Variants in DYNC1I1 observed in about 807,000 individuals in gnomAD.
The protein encoded by DYNC1I1 is dynein cytoplasmic 1 intermediate chain 1.
A neutral mutation model predicts 86.6 loss-of-function variants in DYNC1I1; 43 were observed. The ratio of observed to expected loss-of-function variants is 0.50; its 90% CI spans 0.39 to 0.64. DYNC1I1 has a LOEUF of 0.64. Among genes scored for constraint, DYNC1I1 ranks in the 30% least tolerant of loss-of-function variants. The pLI is 0.00. For synonymous variants in DYNC1I1, 262 were observed against 283.7 expected, an observed-to-expected ratio of 0.92 and a Z score of 0.77; for missense variants, 604 against 788.8, an observed-to-expected ratio of 0.77 and a Z score of 2.81.
rs114997909 is a variant in DYNC1I1, at chr7:95,778,198, G to C, written c.-10+5425G>C. ...TGTCTTTAACCTTATATGGCAGAAGGCATTTTGTGAAAATGGAGATGGAAA... is the reference window on the plus strand; with the variant it reads ...TGTCTTTAACCTTATATGGCAGAAGCCATTTTGTGAAAATGGAGATGGAAA... On this transcript the variant is annotated intron_variant, in intron 1 of 16. Transcript: ENST00000447467. Among the ~76,000 whole-genome samples, 632 of 152,232 alleles carry C rather than the reference G, an allele frequency of 4.2e-3. 3 individuals are homozygous for C. Among genetic ancestry groups the C allele is most frequent in the Middle Eastern group, 0.014 (4 of 294 alleles).
At chr7:95,984,678 G>A (rs902131652) in intron 7 of DYNC1I1, 137 bp from the exon 8 acceptor site, 45 of 731,818 alleles carry the variant, frequency 6.1e-5, no homozygotes, top group Non-Finnish European at 9.0e-5. Flanking sequence ...ATCAATATTA[G>A]CAATGATTTG....
chr7:96,069,403 G>C (rs1790096914), intron 14 of DYNC1I1, among the ~76,000 whole-genome samples: 1 of 152,170 alleles, frequency 6.6e-6, no homozygotes, highest in African/African-American at 2.4e-5. Flanking sequence ...GCTGAACCTG[G>C]TTTTGGAGAC....
chr7:96,049,257 C>CAAAAA (rs200677000), intron 14 of DYNC1I1, among the ~76,000 whole-genome samples: 2 of 76,022 alleles, frequency 2.6e-5, no homozygotes, highest in African/African-American at 4.9e-5. Flanking sequence ...GACTCCATCT[C>CAAAAA]AAAAAAAAAA....
At chr7:95,852,196 C>T (rs936765323) in intron 5 of DYNC1I1, among the ~76,000 whole-genome samples, 1 of 152,000 alleles carries the variant, frequency 6.6e-6, no homozygotes, top group Non-Finnish European at 1.5e-5. Context: ...TCATTATTGG[C>T]CTCTTCTGAT....
chr7:95,937,452 A>C (rs183898686), intron 6 of DYNC1I1, among the ~76,000 whole-genome samples: 1 of 151,966 alleles, frequency 6.6e-6, no homozygotes, highest in Non-Finnish European at 1.5e-5. Context: ...TACAATTTTT[A>C]TTTAAAAAAA....
chr7:96,097,460 T>C (rs1369793441), intron 16 of DYNC1I1, 23 bp from the exon 17 acceptor site: 1 of 1,612,904 alleles, frequency 6.2e-7, no homozygotes, highest in Non-Finnish European at 8.5e-7. Context: ...TGTTCATCAT[T>C]TCTCCATTGA....
chr7:96,101,606 C>T (rs542174098), downstream of DYNC1I1, among the ~76,000 whole-genome samples: 4 of 152,250 alleles, frequency 2.6e-5, no homozygotes, highest in South Asian at 2.1e-4. Flanking sequence ...TGGTGGCTTA[C>T]GGCAACAAGG....
At chr7:95,774,369 G>A (rs75613809) in intron 1 of DYNC1I1, among the ~76,000 whole-genome samples, 8,270 of 152,254 alleles carry the variant, frequency 0.054, 282 homozygotes, top group African/African-American at 0.087. Context: ...AGCCGCTGGT[G>A]CACAGTCCCC....
At chr7:96,050,484 AT>A (rs1562985922) in intron 14 of DYNC1I1, among the ~76,000 whole-genome samples, 1 of 152,228 alleles carries the variant, frequency 6.6e-6, no homozygotes, top group Non-Finnish European at 1.5e-5. Flanking sequence ...AATAGTTAAT[AT>A]TTCCATTAAT....
intron 5 of DYNC1I1, among the ~76,000 whole-genome samples, chr7:95,846,067 A>G (rs1039984069): frequency 1.3e-5 from 2 of 152,178 alleles, no homozygotes; most frequent in African/African-American, 2.4e-5. Flanking sequence ...CTATAATTTT[A>G]TAGTTTTATG....
intron 6 of DYNC1I1, among the ~76,000 whole-genome samples, chr7:95,941,283 T>G (rs1792209386): frequency 6.6e-6 from 1 of 151,936 alleles, no homozygotes; most frequent in Admixed American, 6.6e-5. Flanking sequence ...GTCTGCCCGT[T>G]CTCAGATCTC....
chr7:95,886,660 G>A (rs1401365205), intron 6 of DYNC1I1, among the ~76,000 whole-genome samples: 1 of 152,072 alleles, frequency 6.6e-6, no homozygotes, highest in African/African-American at 2.4e-5. Context: ...TTTGACATTA[G>A]TGAATTAACC....
chr7:95,976,700 G>T (rs763697776), intron 6 of DYNC1I1, among the ~76,000 whole-genome samples: 3 of 152,068 alleles, frequency 2.0e-5, no homozygotes, highest in African/African-American at 7.2e-5. Flanking sequence ...TTTTTATGTC[G>T]TTTTATTTTC....
intron 14 of DYNC1I1, among the ~76,000 whole-genome samples, chr7:96,056,906 C>T (rs1313550327): frequency 2.0e-5 from 3 of 152,024 alleles, no homozygotes. Context: ...CCAAGCATAC[C>T]AAAGAATAGT....
chr7:95,965,097 AC>A (rs1282659518), intron 6 of DYNC1I1, among the ~76,000 whole-genome samples: 1 of 152,212 alleles, frequency 6.6e-6, no homozygotes, highest in East Asian at 1.9e-4. Context: ...GGCTACACGT[AC>A]ACATGGATTG....
intron 5 of DYNC1I1, among the ~76,000 whole-genome samples, chr7:95,844,221 T>A (rs1317307070): frequency 4.6e-5 from 7 of 152,186 alleles, no homozygotes; most frequent in Admixed American, 3.9e-4. Flanking sequence ...TTTATTGGCT[T>A]CAGAAGCCTC....
intron 6 of DYNC1I1, among the ~76,000 whole-genome samples, chr7:95,897,844 G>A (rs1461377331): frequency 1.3e-5 from 2 of 150,840 alleles, no homozygotes. Flanking sequence ...GTAACATTTT[G>A]GTGTAAAATT....
At chr7:96,104,428 T>C (rs1047550236) in intron 16 of DYNC1I1, among the ~76,000 whole-genome samples, 1 of 152,184 alleles carries the variant, frequency 6.6e-6, no homozygotes, top group African/African-American at 2.4e-5. Context: ...GTATCATACT[T>C]TCTAGTAAAT....
intron 5 of DYNC1I1, among the ~76,000 whole-genome samples, chr7:95,860,460 C>G (rs556558286): frequency 5.3e-5 from 8 of 152,104 alleles, no homozygotes; most frequent in Non-Finnish European, 1.2e-4. Flanking sequence ...ATGTATCTGA[C>G]GATGAAATAT....
Sources: allele counts gnomAD v4.1 joint callset (sites outside exome capture counted in the v4.1 genomes callset), GRCh38; gene constraint gnomAD v4.1.1; transcripts MANE v1.5; gene names NCBI Gene and HGNC (gene_info 2026-07-23, HGNC 2026-07-21).